Variants in CCDC150 observed in about 807,000 individuals in gnomAD.
CCDC150 encodes the protein coiled-coil domain-containing protein 150.
A neutral mutation model predicts 156.5 loss-of-function variants in CCDC150; 151 were observed. The observed-to-expected ratio is 0.97, with a 90% CI of 0.85 to 1.10. The LOEUF is 1.10. CCDC150 is among the 50% of genes least tolerant of loss of function. CCDC150 has a pLI of 0.00. For missense variants in CCDC150, 1,312 were observed against 1,268.1 expected (o/e 1.03, Z -0.53); for synonymous variants, 452 against 429.4 (o/e 1.05, Z -0.65).
intron 10 of CCDC150, among the ~76,000 whole-genome samples, chr2:196,675,360 T>C (rs1204264360): frequency 6.6e-6 from 1 of 152,166 alleles, no homozygotes; most frequent in African/African-American, 2.4e-5. Context: ...GAATATATAG[T>C]GAAATATTTA....
Position 196,729,290 on chromosome 2 carries a change from TAGAA to T in CCDC150, c.2657_2660del (p.Glu886ValfsTer6). The T allele has an allele frequency of 6.2e-7, 1 of 1,612,404 alleles. No individual in the cohort carries two copies. ...AAACTTGCAGAGCTAGAAAAAATACTAGAAAGTAACAAGGAGAAAATAAAGAATC... is the reference window on the plus strand; with the variant it reads ...AAACTTGCAGAGCTAGAAAAAATACTAGTAACAAGGAGAAAATAAAGAATC... On this transcript the variant is annotated frameshift_variant, in exon 23 of 28. Coordinates refer to ENST00000389175, the MANE Select transcript of CCDC150 (RefSeq NM_001080539.2). LOFTEE classifies it high-confidence loss of function.
chr2:196,678,520 G>A (rs750036924), intron 13 of CCDC150, among the ~76,000 whole-genome samples: 2 of 152,184 alleles, frequency 1.3e-5, no homozygotes, highest in Non-Finnish European at 2.9e-5. Context: ...AAGGACTTTG[G>A]TGGTATCAAT....
At chr2:196,713,904 A>G (rs1697309627) in intron 17 of CCDC150, among the ~76,000 whole-genome samples, 1 of 152,160 alleles carries the variant, frequency 6.6e-6, no homozygotes. Flanking sequence ...TGAGTTTTTT[A>G]TATAATTTTG....
chr2:196,712,656 T>A (rs1317292160), intron 16 of CCDC150, 21 bp from the exon 17 acceptor site: 1 of 1,594,002 alleles, frequency 6.3e-7, no homozygotes, highest in African/African-American at 1.3e-5. Context: ...GGAACAAGTA[T>A]CTTTGTTTTT....
chr2:196,725,487 T>C (rs1267031941), intron 21 of CCDC150, among the ~76,000 whole-genome samples: 1 of 152,170 alleles, frequency 6.6e-6, no homozygotes, highest in Non-Finnish European at 1.5e-5. Context: ...AGGCTCTCAG[T>C]TTAAAGATAA....
intron 15 of CCDC150, 106 bp from the exon 16 acceptor site, chr2:196,712,039 C>A: frequency 8.4e-4 from 224 of 265,948 alleles, no homozygotes; most frequent in East Asian, 1.6e-3. Flanking sequence ...TTTTTTACAA[C>A]TCATGACCCT....
At position 196,658,784 on chromosome 2, in the gene CCDC150, A is replaced by G. The variant is rs370222110; in HGVS notation, c.577-8A>G. 8.8e-6 allele frequency: 14 copies of G among 1,586,828 alleles called. No individual in the cohort carries two copies. The highest frequency in any genetic ancestry group is 2.7e-5 in the African/African-American group (2 of 74,338). On this transcript the variant is annotated splice_region_variant and splice_polypyrimidine_tract_variant and intron_variant, in intron 4 of 27. Transcript: ENST00000389175. Reference sequence around the variant, plus strand: ...ATTATTTAGAATCTTTTCTCCTTCTACTTTTAGAAGAATGCAGCCATTATT... The same window carrying G: ...ATTATTTAGAATCTTTTCTCCTTCTGCTTTTAGAAGAATGCAGCCATTATT...
At chr2:196,719,471 C>G (rs368435204) in intron 18 of CCDC150, 26 bp from the exon 19 acceptor site, 14 of 1,591,706 alleles carry the variant, frequency 8.8e-6, no homozygotes, top group Non-Finnish European at 1.0e-5. Context: ...GATCAAATGT[C>G]TTTGTGTTGT....
intron 12 of CCDC150, chr2:196,676,965 A>C: frequency 1.6e-6 from 1 of 639,346 alleles, no homozygotes; most frequent in East Asian, 2.9e-5. Flanking sequence ...AGTAATTCAC[A>C]CATCCTGGTG....
At chr2:196,704,698 G>A (rs879650805) in intron 15 of CCDC150, among the ~76,000 whole-genome samples, 6 of 151,814 alleles carry the variant, frequency 4.0e-5, no homozygotes, top group African/African-American at 7.3e-5. Context: ...TATCCCTTCC[G>A]CTGCTCCCCA....
intron 5 of CCDC150, among the ~76,000 whole-genome samples, chr2:196,659,573 G>A (rs903592824): frequency 6.6e-6 from 1 of 152,112 alleles, no homozygotes; most frequent in Admixed American, 6.5e-5. Context: ...TAGGTATTTG[G>A]AAAATTGTCT....
chr2:196,691,897 C>A (rs1043689312), intron 13 of CCDC150, among the ~76,000 whole-genome samples: 1 of 151,984 alleles, frequency 6.6e-6, no homozygotes, highest in Non-Finnish European at 1.5e-5. Flanking sequence ...GCTGAGATTG[C>A]GCCACTGCAC....
chr2:196,660,582 G>A (rs1386801745), intron 5 of CCDC150, among the ~76,000 whole-genome samples: 1 of 152,178 alleles, frequency 6.6e-6, no homozygotes, highest in Non-Finnish European at 1.5e-5. Flanking sequence ...ATCTTCTCAT[G>A]TGTTTATTTG....
intron 4 of CCDC150, 84 bp downstream of exon 4, chr2:196,657,220 A>C (rs1237000044): frequency 7.7e-7 from 1 of 1,304,564 alleles, no homozygotes; most frequent in South Asian, 1.4e-5. Context: ...CGACTTTTAA[A>C]AATAGGTGAT....
chr2:196,643,376 G>T (rs1428063354), intron 1 of CCDC150, among the ~76,000 whole-genome samples: 1 of 151,452 alleles, frequency 6.6e-6, no homozygotes, highest in Non-Finnish European at 1.5e-5. Flanking sequence ...CACTCAGTGT[G>T]GATGCAAACC....
At chr2:196,666,941 T>C in intron 7 of CCDC150, 93 bp downstream of exon 7, 1 of 1,378,854 alleles carries the variant, frequency 7.3e-7, no homozygotes, top group Non-Finnish European at 1.0e-6. Context: ...AAGTGGCCAG[T>C]GTTATTGGTA....
intron 13 of CCDC150, among the ~76,000 whole-genome samples, chr2:196,694,250 T>C (rs1283653013): frequency 6.6e-6 from 1 of 151,948 alleles, no homozygotes; most frequent in East Asian, 1.9e-4. Context: ...GCAATGAGGT[T>C]TCTCCATGTT....
intron 13 of CCDC150, among the ~76,000 whole-genome samples, chr2:196,683,645 C>G (rs555353603): frequency 3.8e-4 from 57 of 151,956 alleles, no homozygotes; most frequent in Non-Finnish European, 6.5e-4. Flanking sequence ...TCTGGGCTTT[C>G]TTGTATGTAG....
intron 5 of CCDC150, among the ~76,000 whole-genome samples, chr2:196,663,615 T>C (rs944022785): frequency 2.0e-5 from 3 of 152,046 alleles, no homozygotes; most frequent in African/African-American, 7.2e-5. Flanking sequence ...GAGCAGTATT[T>C]ACAGTAGTGA....
Sources: allele counts gnomAD v4.1 joint callset (sites outside exome capture counted in the v4.1 genomes callset), GRCh38; gene constraint gnomAD v4.1.1; transcripts MANE v1.5; gene names NCBI Gene and HGNC (gene_info 2026-07-23, HGNC 2026-07-21).